Variants in DAB1 observed in about 807,000 individuals in gnomAD.
DAB1 encodes the protein DAB adaptor protein 1, also known as disabled homolog 1.
In DAB1, 15 loss-of-function variants were observed where a neutral mutation model predicts 64.6. The observed-to-expected ratio is 0.23, with a 90% CI of 0.16 to 0.36. DAB1 has a LOEUF of 0.36. DAB1 is among the 10% of genes least tolerant of loss of function. The pLI, the probability that DAB1 is intolerant of heterozygous loss-of-function variation, is 1.00. For synonymous variants in DAB1, 235 were observed against 251.9 expected (o/e 0.93, Z 0.64); for missense variants, 596 against 706.7 (o/e 0.84, Z 1.78).
chr1:58,386,112 G>A (rs956613367), intron 3 of DAB1, among the ~76,000 whole-genome samples: 5 of 152,194 alleles, frequency 3.3e-5, no homozygotes, highest in Non-Finnish European at 4.4e-5. Context: ...TCTTTCTCAG[G>A]TGCAGTAACA....
chr1:58,048,278 C>A (rs1647375112), intron 5 of DAB1: 4 of 1,282,272 alleles, frequency 3.1e-6, no homozygotes, highest in Non-Finnish European at 4.5e-6. Context: ...GCCATAGGGG[C>A]CAGAGCTTCT....
intron 5 of DAB1, among the ~76,000 whole-genome samples, chr1:58,024,300 C>T (rs1207574593): frequency 6.6e-6 from 1 of 151,338 alleles, no homozygotes; most frequent in African/African-American, 2.4e-5. Flanking sequence ...AAAAGAAGCT[C>T]GGGGTTTGAG....
At chr1:57,063,966 G>A (rs1456808062) in intron 8 of DAB1, among the ~76,000 whole-genome samples, 1 of 152,176 alleles carries the variant, frequency 6.6e-6, no homozygotes, top group East Asian at 1.9e-4. Flanking sequence ...ATAATGGTCT[G>A]ACAACATGCC....
At chr1:57,226,038 T>G (rs1667235899) in intron 2 of DAB1, among the ~76,000 whole-genome samples, 1 of 152,098 alleles carries the variant, frequency 6.6e-6, no homozygotes, top group Non-Finnish European at 1.5e-5. Flanking sequence ...AGACTTCTTC[T>G]CCCTCAATGC....
chr1:57,136,456 T>C, intron 4 of DAB1, 87 bp downstream of exon 4: 1 of 660,948 alleles, frequency 1.5e-6, no homozygotes, highest in Non-Finnish European at 2.4e-6. Context: ...ATGCTTGTTG[T>C]ATATTCCTGC....
chr1:57,379,018 T>C (rs760042899), intron 1 of DAB1, among the ~76,000 whole-genome samples: 9 of 152,192 alleles, frequency 5.9e-5, no homozygotes, highest in Non-Finnish European at 4.4e-5. Context: ...CTGTCTCTGT[T>C]AGTTCTTGGG....
At chr1:57,285,247 T>C (rs1304658433) in intron 2 of DAB1, among the ~76,000 whole-genome samples, 1 of 152,028 alleles carries the variant, frequency 6.6e-6, no homozygotes, top group African/African-American at 2.4e-5. Context: ...TTACTCACAG[T>C]ATCTCCCTCA....
chr1:57,655,417 A>C (rs1183210140), intron 6 of DAB1, among the ~76,000 whole-genome samples: 1 of 151,988 alleles, frequency 6.6e-6, no homozygotes. Flanking sequence ...TTCATCATCA[A>C]TCATCCATCC....
At chr1:57,423,475 T>A (rs1054975439) in intron 1 of DAB1, among the ~76,000 whole-genome samples, 2 of 151,178 alleles carry the variant, frequency 1.3e-5, no homozygotes, top group African/African-American at 4.9e-5. Flanking sequence ...TTCGGCCGAA[T>A]GAGGAAAAGG....
At chr1:57,084,899 A>G (rs1652911478) in intron 4 of DAB1, among the ~76,000 whole-genome samples, 2 of 152,156 alleles carry the variant, frequency 1.3e-5, no homozygotes, top group Admixed American at 1.3e-4. Flanking sequence ...CTCTCTGAGT[A>G]CAAGGATCAA....
chr1:57,245,759 T>C (rs968721776), intron 2 of DAB1, among the ~76,000 whole-genome samples: 2 of 152,250 alleles, frequency 1.3e-5, no homozygotes, highest in African/African-American at 4.8e-5. Context: ...CATGTGTCTT[T>C]ATAGTAGCAT....
intron 4 of DAB1, among the ~76,000 whole-genome samples, chr1:57,088,525 T>C (rs190736919): frequency 6.6e-6 from 1 of 152,290 alleles, no homozygotes; most frequent in East Asian, 1.9e-4. Flanking sequence ...CCCAGACTCT[T>C]TGGAGGGTAG....
At chr1:58,296,478 G>A (rs1047234940) in intron 4 of DAB1, among the ~76,000 whole-genome samples, 1 of 152,192 alleles carries the variant, frequency 6.6e-6, no homozygotes, top group Non-Finnish European at 1.5e-5. Context: ...ATCAAGGACA[G>A]GTGAGAGGCA....
chr1:57,366,462 G>T (rs1010385439), intron 1 of DAB1, among the ~76,000 whole-genome samples: 50 of 152,356 alleles, frequency 3.3e-4, no homozygotes, highest in African/African-American at 1.1e-3. Flanking sequence ...GCTTCCCCAA[G>T]AGATGGAAGG....
At chr1:58,196,809 A>G (rs1218312182) in intron 4 of DAB1, among the ~76,000 whole-genome samples, 1 of 152,148 alleles carries the variant, frequency 6.6e-6, no homozygotes, top group Non-Finnish European at 1.5e-5. Flanking sequence ...CTCCCACCAG[A>G]TTCCTCCCTG....
chr1:57,343,689 C>T (rs963394757), intron 1 of DAB1, among the ~76,000 whole-genome samples: 3 of 152,090 alleles, frequency 2.0e-5, no homozygotes, highest in East Asian at 1.9e-4. Context: ...TGGGGCCGGC[C>T]GGCCGCTCCA....
intron 1 of DAB1, among the ~76,000 whole-genome samples, chr1:57,380,522 C>CGAAGCCT (rs1332963514): frequency 6.6e-6 from 1 of 152,020 alleles, no homozygotes; most frequent in African/African-American, 2.4e-5. Context: ...CAGCTTAGGA[C>CGAAGCCT]GAAGCCTGGA....
intron 4 of DAB1, among the ~76,000 whole-genome samples, chr1:57,088,495 C>A (rs1175476706): frequency 6.6e-6 from 1 of 152,202 alleles, no homozygotes; most frequent in East Asian, 1.9e-4. Flanking sequence ...TCAGCCAACA[C>A]CTGAAGATTG....
chr1:57,100,414 A>C (rs1654561344), intron 4 of DAB1, among the ~76,000 whole-genome samples: 1 of 152,182 alleles, frequency 6.6e-6, no homozygotes, highest in Admixed American at 6.5e-5. Flanking sequence ...GTTTAGCAGC[A>C]CTGACTGACT....
Sources: gnomAD v4.1 joint callset for allele counts (sites outside exome capture counted in the v4.1 genomes callset) on GRCh38, gnomAD v4.1.1 for gene constraint, MANE v1.5 for transcripts, NCBI Gene and HGNC (gene_info 2026-07-23, HGNC 2026-07-21) for gene names.